Variants in CNTN6 observed in about 807,000 individuals in gnomAD.
CNTN6 encodes the protein contactin-6.
In CNTN6, 137 loss-of-function variants were observed where a neutral mutation model predicts 122.8. The ratio of observed to expected loss-of-function variants is 1.12; its 90% CI spans 0.97 to 1.29. CNTN6 has a LOEUF of 1.29. CNTN6 is among the 50% of genes most tolerant of loss of function. CNTN6 has a pLI of 0.00. For missense variants in CNTN6, 1,634 were observed against 1,223.4 expected (o/e 1.34, Z -5.01); for synonymous variants, 570 against 426.0 (o/e 1.34, Z -4.16).
chr3:1,399,452 T>G (rs1007917881), intron 20 of CNTN6, among the ~76,000 whole-genome samples: 1 of 144,230 alleles, frequency 6.9e-6, no homozygotes, highest in African/African-American at 2.5e-5. Context: ...GGATGCTTAG[T>G]AAGCTAAAAG....
At chr3:1,350,101 G>C (rs150955972) in intron 11 of CNTN6, among the ~76,000 whole-genome samples, 246 of 151,832 alleles carry the variant, frequency 1.6e-3, no homozygotes, top group African/African-American at 5.7e-3. Flanking sequence ...TTGAAGTAAA[G>C]AAAAAATTTT....
At chr3:1,355,699 G>T (rs889564040) in intron 12 of CNTN6, among the ~76,000 whole-genome samples, 1 of 151,706 alleles carries the variant, frequency 6.6e-6, no homozygotes, top group Non-Finnish European at 1.5e-5. Flanking sequence ...GACCTTAAGA[G>T]TAATAGAGTG....
chr3:1,212,618 G>A (rs1047459766), intron 2 of CNTN6, among the ~76,000 whole-genome samples: 1 of 151,578 alleles, frequency 6.6e-6, no homozygotes. Context: ...TGTAGCAGTG[G>A]CTCAAAAATA....
At chr3:1,350,564 C>T (rs993963794) in intron 11 of CNTN6, among the ~76,000 whole-genome samples, 1 of 151,710 alleles carries the variant, frequency 6.6e-6, no homozygotes, top group Non-Finnish European at 1.5e-5. Context: ...AATTTCAACT[C>T]GATTTAGCAA....
At chr3:1,401,316 T>C (rs1695675598) in intron 20 of CNTN6, 117 bp from the exon 21 acceptor site, 4 of 759,670 alleles carry the variant, frequency 5.3e-6, no homozygotes, top group Non-Finnish European at 8.8e-6. Context: ...ACTGAAGACA[T>C]TTTAGCTCCT....
At chr3:1,396,864 T>A (rs1255502327) in intron 20 of CNTN6, among the ~76,000 whole-genome samples, 1 of 152,190 alleles carries the variant, frequency 6.6e-6, no homozygotes, top group African/African-American at 2.4e-5. Context: ...TCCATGTCCT[T>A]GAGATGACAT....
At chr3:1,288,439 T>G (rs1694723324) in intron 5 of CNTN6, among the ~76,000 whole-genome samples, 1 of 152,212 alleles carries the variant, frequency 6.6e-6, no homozygotes. Context: ...TTTTTGCCAC[T>G]GAGCTAGCAT....
chr3:1,167,885 G>A (rs566840142), intron 2 of CNTN6, among the ~76,000 whole-genome samples: 5 of 152,236 alleles, frequency 3.3e-5, no homozygotes, highest in African/African-American at 7.2e-5. Flanking sequence ...ATAATTTGAC[G>A]ACATAGGAAA....
chr3:1,333,562 C>G (rs958683138), intron 11 of CNTN6, among the ~76,000 whole-genome samples: 5 of 151,972 alleles, frequency 3.3e-5, no homozygotes, highest in Non-Finnish European at 5.9e-5. Flanking sequence ...CTTGGAAATA[C>G]CTATGTGAGG....
At chr3:1,233,734 CAA>C (rs1166507455) in intron 4 of CNTN6, among the ~76,000 whole-genome samples, 36 of 52,142 alleles carry the variant, frequency 6.9e-4, no homozygotes, top group African/African-American at 2.6e-3. Flanking sequence ...GACTCTGTCT[CAA>C]AAAAAAAAAA....
At chr3:1,277,365 T>TTTTTTTTTTTTTTTTTTTTTTTTTC in intron 4 of CNTN6, among the ~76,000 whole-genome samples, 1 of 133,540 alleles carries the variant, frequency 7.5e-6, no homozygotes, top group Non-Finnish European at 1.6e-5. Context: ...TTTTTTTTTT[T>TTTTTTTTTTTTTTTTTTTTTTTTTC]TTTTTTTTTT....
intron 1 of CNTN6, among the ~76,000 whole-genome samples, chr3:1,100,360 A>G (rs1417482314): frequency 6.6e-6 from 1 of 152,158 alleles, no homozygotes; most frequent in Non-Finnish European, 1.5e-5. Flanking sequence ...AATTTTGCTC[A>G]TGAGGGGACT....
At position 1,346,555 on chromosome 3, in the gene CNTN6, C is replaced by G. The variant is rs888824001; in HGVS notation, c.1365-5769C>G. ...TCTTGCCATGTGACCTCTTTGTACA[C>G]ACCAGTTTCTTTCTGCTTTTTGCCA... On this transcript the variant is annotated intron_variant, in intron 11 of 22. Coordinates refer to ENST00000446702, the MANE Select transcript of CNTN6 (RefSeq NM_001289080.2). 2.0e-5 allele frequency among the ~76,000 whole-genome samples: 3 copies of G among 152,250 alleles called. No individual in the cohort carries two copies. The East Asian group carries it at 5.8e-4, about 30-fold the overall frequency.
chr3:1,208,765 C>T (rs115841499), intron 2 of CNTN6, among the ~76,000 whole-genome samples: 2,011 of 151,090 alleles, frequency 0.013, 50 homozygotes, highest in African/African-American at 0.047. Flanking sequence ...AAATCTGCCT[C>T]GCAGAGTTCT....
intron 6 of CNTN6, among the ~76,000 whole-genome samples, chr3:1,296,454 A>C (rs1374776624): frequency 6.6e-6 from 1 of 152,144 alleles, no homozygotes; most frequent in Non-Finnish European, 1.5e-5. Flanking sequence ...TAAGGAAGTC[A>C]TTGAAGTGGA....
intron 4 of CNTN6, among the ~76,000 whole-genome samples, chr3:1,245,942 A>T (rs979041844): frequency 6.6e-6 from 1 of 152,104 alleles, no homozygotes; most frequent in Non-Finnish European, 1.5e-5. Context: ...AAAATCTCAT[A>T]ACGTTTTAAG....
chr3:1,285,992 TC>T (rs1161646150), intron 5 of CNTN6, among the ~76,000 whole-genome samples: 1 of 152,128 alleles, frequency 6.6e-6, no homozygotes, highest in Non-Finnish European at 1.5e-5. Flanking sequence ...AAAGTTTATT[TC>T]TTTAAGTCCC....
At chr3:1,203,489 G>C (rs1014028466) in intron 2 of CNTN6, among the ~76,000 whole-genome samples, 2 of 152,182 alleles carry the variant, frequency 1.3e-5, no homozygotes, top group South Asian at 4.1e-4. Context: ...ACAGGAATGC[G>C]GGATAGAATT....
intron 20 of CNTN6, among the ~76,000 whole-genome samples, chr3:1,391,214 G>A (rs1345141385): frequency 1.9e-5 from 2 of 106,008 alleles, no homozygotes; most frequent in African/African-American, 8.2e-5. Context: ...CCATGATCAA[G>A]TGGGCTTCAT....
Sources: gnomAD v4.1 joint callset for allele counts (sites outside exome capture counted in the v4.1 genomes callset) on GRCh38, gnomAD v4.1.1 for gene constraint, MANE v1.5 for transcripts, NCBI Gene and HGNC (gene_info 2026-07-23, HGNC 2026-07-21) for gene names.